NLRP11: variants seen among roughly 807,000 people sequenced by gnomAD.
NLRP11 encodes the protein NLR family pyrin domain containing 11.
A neutral mutation model predicts 79.3 loss-of-function variants in NLRP11; 53 were observed. That is an observed-to-expected ratio of 0.67 (90% CI 0.54 to 0.84). NLRP11 has a LOEUF of 0.84. Among genes scored for constraint, NLRP11 ranks in the 40% least tolerant of loss-of-function variants. The pLI is 0.00. For missense variants in NLRP11, 1,264 were observed against 1,255.0 expected, an observed-to-expected ratio of 1.01 and a Z score of -0.11; for synonymous variants, 518 against 462.6, an observed-to-expected ratio of 1.12 and a Z score of -1.54.
exon 10 of NLRP11, chr19:55,785,523 AC>A: frequency 9.6e-7 from 1 of 1,036,302 alleles, no homozygotes; most frequent in Non-Finnish European, 1.4e-6. Context: ...ACACACACAC[AC>A]ACACACACAC....
intron 1 of NLRP11, among the ~76,000 whole-genome samples, chr19:55,823,219 AAACT>A (rs1242338105): frequency 1.4e-5 from 2 of 143,026 alleles, no homozygotes; most frequent in Admixed American, 7.0e-5. Flanking sequence ...GTTAGAAGGA[AAACT>A]AACAAACAGA....
intron 4 of NLRP11, among the ~76,000 whole-genome samples, chr19:55,803,614 G>C (rs1979695301): frequency 6.6e-6 from 1 of 152,096 alleles, no homozygotes; most frequent in Non-Finnish European, 1.5e-5. Flanking sequence ...ACAAGAAAAA[G>C]ATAACCTCAT....
chr19:55,785,488 C>A lies in NLRP11; in HGVS notation c.*137G>T, dbSNP rs904156376. ...AGGAATTTGAAGTGGTTGACTGGAT[C>A]AAGGTCACACACACACACACACACA... On this transcript the variant is annotated 3_prime_UTR_variant, in exon 10 of 10. Transcript: ENST00000589093. 2.0e-5 allele frequency: 14 copies of A among 712,102 alleles called. No homozygotes were observed. In the East Asian group the frequency reaches 3.9e-4, roughly 20 times the overall value. The allele number at this position is 712,102 out of a possible 1,614,324, so 44.1% of individuals were successfully genotyped here. A position where few individuals can be genotyped will look rare whatever the true frequency, so the allele number is the denominator to read the frequency against.
intron 9 of NLRP11, among the ~76,000 whole-genome samples, chr19:55,788,449 T>TC (rs1400750017): frequency 2.6e-5 from 4 of 151,368 alleles, no homozygotes; most frequent in Non-Finnish European, 5.9e-5. Context: ...CACAGAATTT[T>TC]CCCCATCACA....
At chr19:55,790,134 G>T (rs2122712130) in intron 7 of NLRP11, among the ~76,000 whole-genome samples, 1 of 152,176 alleles carries the variant, frequency 6.6e-6, no homozygotes, top group Admixed American at 6.5e-5. Flanking sequence ...TTGTCAATGA[G>T]GTGACATTGA....
intron 6 of NLRP11, among the ~76,000 whole-genome samples, chr19:55,793,285 T>C (rs1001068817): frequency 6.6e-6 from 1 of 151,994 alleles, no homozygotes; most frequent in Non-Finnish European, 1.5e-5. Context: ...AAGTTGGAAA[T>C]AGGCCGGGCA....
chr19:55,787,683 T>C (rs1989966643), intron 9 of NLRP11, among the ~76,000 whole-genome samples: 1 of 152,174 alleles, frequency 6.6e-6, no homozygotes, highest in African/African-American at 2.4e-5. Context: ...TGTCACTTTT[T>C]TGGTGAGCCT....
chr19:55,819,997 A>G (rs1392432886), intron 1 of NLRP11, among the ~76,000 whole-genome samples: 2 of 152,218 alleles, frequency 1.3e-5, no homozygotes, highest in East Asian at 1.9e-4. Flanking sequence ...TGATCCCCCA[A>G]TAAAGGGGTA....
chr19:55,785,894 C>T (rs375884712), intron 9 of NLRP11, 23 bp from the exon 10 acceptor site: 88 of 1,606,454 alleles, frequency 5.5e-5, no homozygotes, highest in African/African-American at 4.2e-4. Flanking sequence ...AGAGAGAGAA[C>T]GCCGTTAATG....
intron 5 of NLRP11, among the ~76,000 whole-genome samples, chr19:55,797,680 G>C (rs190463794): frequency 1.3e-4 from 20 of 152,316 alleles, no homozygotes; most frequent in Non-Finnish European, 2.4e-4. Flanking sequence ...CATCGTACTT[G>C]GCCTGTGTAT....
At chr19:55,819,544 G>A (rs1248752577) in intron 1 of NLRP11, among the ~76,000 whole-genome samples, 1 of 152,132 alleles carries the variant, frequency 6.6e-6, no homozygotes, top group Non-Finnish European at 1.5e-5. Context: ...CAGAGTTTAT[G>A]ACAAAGGTAG....
intron 3 of NLRP11, 73 bp from the exon 4 acceptor site, chr19:55,808,087 A>C: frequency 9.3e-7 from 1 of 1,075,340 alleles, no homozygotes; most frequent in East Asian, 2.4e-5. Flanking sequence ...ATGTAAATTA[A>C]AGTATGTTTT....
At chr19:55,789,002 G>T (rs751316008) in intron 8 of NLRP11, 25 bp from the exon 9 acceptor site, 4 of 1,612,712 alleles carry the variant, frequency 2.5e-6, no homozygotes, top group African/African-American at 2.7e-5. Context: ...CACAGGTAAG[G>T]TGGGGCCAAA....
chr19:55,804,058 G>A (rs1039980730), intron 4 of NLRP11, among the ~76,000 whole-genome samples: 1 of 152,108 alleles, frequency 6.6e-6, no homozygotes, highest in African/African-American at 2.4e-5. Flanking sequence ...CCCTAGCCTG[G>A]GTGACAGAGC....
intron 2 of NLRP11, among the ~76,000 whole-genome samples, chr19:55,812,276 A>G (rs1157399588): frequency 6.6e-6 from 1 of 152,214 alleles, no homozygotes; most frequent in East Asian, 1.9e-4. Flanking sequence ...TAAAATATAC[A>G]CTATGCAAAA....
intron 2 of NLRP11, among the ~76,000 whole-genome samples, chr19:55,815,208 A>G (rs1980984511): frequency 6.6e-6 from 1 of 152,184 alleles, no homozygotes; most frequent in African/African-American, 2.4e-5. Flanking sequence ...AAGCTTTTAA[A>G]CTTTAAGGAT....
At chr19:55,808,897 G>A in exon 3 of NLRP11, 1 of 1,614,034 alleles carries the variant, frequency 6.2e-7, no homozygotes, top group Non-Finnish European at 8.5e-7. Flanking sequence ...CTGATTGAAG[G>A]TAAACTGTAA....
At chr19:55,835,889 C>T (rs565811747), upstream of NLRP11, among the ~76,000 whole-genome samples, 16 of 152,132 alleles carry the variant, frequency 1.1e-4, no homozygotes, top group Admixed American at 8.5e-4. Flanking sequence ...TTCGGGAGGC[C>T]GAGGCGGGCA....
At chr19:55,799,900 G>C (rs1979309092) in intron 5 of NLRP11, among the ~76,000 whole-genome samples, 1 of 152,212 alleles carries the variant, frequency 6.6e-6, no homozygotes, top group African/African-American at 2.4e-5. Flanking sequence ...CCGGGAGGCG[G>C]AGGTTTTAGT....
Sources: gnomAD v4.1 joint callset for allele counts (sites outside exome capture counted in the v4.1 genomes callset) on GRCh38, gnomAD v4.1.1 for gene constraint, MANE v1.5 for transcripts, NCBI Gene and HGNC (gene_info 2026-07-23, HGNC 2026-07-21) for gene names.